CREB5: variants seen among roughly 807,000 people sequenced by gnomAD.
CREB5 encodes cAMP responsive element binding protein 5.
CREB5 carries 19 observed loss-of-function variants against 57.1 expected under a neutral mutation model. That is an observed-to-expected ratio of 0.33 (90% CI 0.23 to 0.49). The LOEUF is 0.49. Ranked by LOEUF, CREB5 falls within the 20% of genes least tolerant of loss-of-function variation. The pLI, the probability that CREB5 is intolerant of heterozygous loss-of-function variation, is 0.99. For missense variants in CREB5, 579 were observed against 671.6 expected (o/e 0.86, Z 1.52); for synonymous variants, 238 against 238.3 (o/e 1.00, Z 0.01).
intron 5 of CREB5, among the ~76,000 whole-genome samples, chr7:28,717,888 G>A (rs1252864885): frequency 6.6e-6 from 1 of 152,210 alleles, no homozygotes; most frequent in Admixed American, 6.5e-5. Context: ...GAGAATTTAT[G>A]TGGGGAGGTC....
At chr7:28,807,511 C>T (rs1327844547) in intron 8 of CREB5, among the ~76,000 whole-genome samples, 1 of 152,178 alleles carries the variant, frequency 6.6e-6, no homozygotes, top group East Asian at 1.9e-4. Context: ...AACCTCAACC[C>T]TGGGCCTGAT....
chr7:28,324,868 C>T (rs1202917087), intron 1 of CREB5, among the ~76,000 whole-genome samples: 2 of 152,208 alleles, frequency 1.3e-5, no homozygotes, highest in East Asian at 3.9e-4. Flanking sequence ...ATCATCCTAT[C>T]TCAGTAAATA....
intron 5 of CREB5, among the ~76,000 whole-genome samples, chr7:28,616,883 A>G (rs965480333): frequency 7.2e-5 from 11 of 152,348 alleles, no homozygotes; most frequent in African/African-American, 2.6e-4. Context: ...TATTAATTCA[A>G]TAGTTCATTT....
chr7:28,797,830 G>A (rs1467645456), intron 7 of CREB5, among the ~76,000 whole-genome samples: 1 of 152,130 alleles, frequency 6.6e-6, no homozygotes, highest in African/African-American at 2.4e-5. Flanking sequence ...AGAGGAAGTT[G>A]GTAATCATTG....
At position 28,494,917 on chromosome 7, in the gene CREB5, A is replaced by C; in HGVS notation, c.87A>C (p.Thr29=). ...TATTCGTCCGACAGCGCTTCCCAAC[A>C]GAGGACCATCTGATGATTCATAGGC... The part of the protein sequence containing the change: ...SAPGCSQRFP[T]EDHLMIHRHK... Residue 29 remains threonine, a synonymous_variant, in exon 3 of 11, where the codon ACA becomes ACC. Transcript: ENST00000357727. 1 of 1,599,946 alleles carries C rather than the reference A, an allele frequency of 6.3e-7. No individual in the cohort carries two copies. The highest frequency in any genetic ancestry group is 8.5e-7 in the Non-Finnish European group (1 of 1,176,776).
At chr7:28,387,785 A>T (rs1447293850) in intron 1 of CREB5, among the ~76,000 whole-genome samples, 1 of 152,174 alleles carries the variant, frequency 6.6e-6, no homozygotes, top group East Asian at 1.9e-4. Context: ...CATCCTGCAC[A>T]TGGACCCCTG....
At chr7:28,397,275 A>G (rs188037057) in intron 1 of CREB5, among the ~76,000 whole-genome samples, 1 of 152,348 alleles carries the variant, frequency 6.6e-6, no homozygotes, top group East Asian at 1.9e-4. Flanking sequence ...GTATTCCTCT[A>G]CAGAAGGCAG....
intron 7 of CREB5, among the ~76,000 whole-genome samples, chr7:28,760,479 T>C (rs941732811): frequency 1.3e-5 from 2 of 152,206 alleles, no homozygotes; most frequent in African/African-American, 4.8e-5. Context: ...CTTCAACCGA[T>C]GCTGCCTCCG....
intron 1 of CREB5, among the ~76,000 whole-genome samples, chr7:28,341,903 T>G (rs1471593702): frequency 6.6e-6 from 1 of 152,230 alleles, no homozygotes; most frequent in Non-Finnish European, 1.5e-5. Flanking sequence ...GGGAAAGTTT[T>G]GTGCAGAAAG....
At chr7:28,343,545 G>A (rs962481888) in intron 1 of CREB5, among the ~76,000 whole-genome samples, 2 of 150,558 alleles carry the variant, frequency 1.3e-5, no homozygotes, top group African/African-American at 5.0e-5. Context: ...ATTTTTAATG[G>A]CCAAATCATA....
intron 1 of CREB5, among the ~76,000 whole-genome samples, chr7:28,397,004 C>T (rs1354249210): frequency 1.3e-5 from 2 of 152,084 alleles, no homozygotes; most frequent in African/African-American, 4.8e-5. Flanking sequence ...TGCCATAAGG[C>T]TATGTAGATA....
intron 1 of CREB5, among the ~76,000 whole-genome samples, chr7:28,314,036 G>A (rs13236771): frequency 6.6e-6 from 1 of 152,122 alleles, no homozygotes; most frequent in African/African-American, 2.4e-5. Flanking sequence ...AAAAGAATAA[G>A]AGAATTATTA....
chr7:28,398,088 A>C (rs991886794), intron 1 of CREB5, among the ~76,000 whole-genome samples: 1 of 152,122 alleles, frequency 6.6e-6, no homozygotes, highest in East Asian at 1.9e-4. Context: ...GTCGCCATTA[A>C]ACAGTAACTC....
intron 1 of CREB5, among the ~76,000 whole-genome samples, chr7:28,434,055 C>T (rs1317912973): frequency 1.3e-5 from 2 of 151,994 alleles, no homozygotes; most frequent in Non-Finnish European, 2.9e-5. Flanking sequence ...GAGGAAAGGA[C>T]GGCTTCTGGT....
chr7:28,471,016 A>G (rs568549599), intron 1 of CREB5, among the ~76,000 whole-genome samples: 1 of 152,078 alleles, frequency 6.6e-6, no homozygotes, highest in Non-Finnish European at 1.5e-5. Context: ...ATTTTCTCCT[A>G]TCCTTGGATT....
chr7:28,469,153 C>T (rs186356971), intron 1 of CREB5, among the ~76,000 whole-genome samples: 62 of 152,216 alleles, frequency 4.1e-4, no homozygotes, highest in African/African-American at 1.4e-3. Context: ...CCAAGGGGTT[C>T]GAGGCTGCAA....
At chr7:28,395,050 G>A (rs1049269086) in intron 1 of CREB5, among the ~76,000 whole-genome samples, 1 of 151,958 alleles carries the variant, frequency 6.6e-6, no homozygotes, top group Non-Finnish European at 1.5e-5. Flanking sequence ...TACTTCCCTG[G>A]GGGTCTTAGG....
rs36000233 is a variant in CREB5 at position 28,752,892 on chromosome 7, ATT to A, written c.702+28574_702+28575del. ...CTACTCTTTATTCTTTTCTAAAGGGATTTTTTTTTTTTTTTACTGCCAGAATT... is the reference window on the plus strand; with the variant it reads ...CTACTCTTTATTCTTTTCTAAAGGGATTTTTTTTTTTTTACTGCCAGAATT... On this transcript the variant is annotated intron_variant, in intron 7 of 10. Transcript: ENST00000357727. 9.2e-3 allele frequency among the ~76,000 whole-genome samples: 1,335 copies of A among 144,346 alleles called. 18 individuals are homozygous for A. The highest frequency in any genetic ancestry group is 0.031 in the African/African-American group (1,230 of 39,484). 94.7% of individuals were successfully genotyped at this position (144,346 alleles called of 152,430 possible).
At chr7:28,538,145 C>T (rs866429269) in intron 4 of CREB5, among the ~76,000 whole-genome samples, 3 of 152,252 alleles carry the variant, frequency 2.0e-5, no homozygotes, top group Middle Eastern at 3.4e-3. Flanking sequence ...TCTCTGTCTC[C>T]CGGGTCCAAG....
Sources: allele counts gnomAD v4.1 joint callset (sites outside exome capture counted in the v4.1 genomes callset), GRCh38; gene constraint gnomAD v4.1.1; transcripts MANE v1.5; gene names NCBI Gene and HGNC (gene_info 2026-07-23, HGNC 2026-07-21).